The following TIAM2 variants were observed in gnomAD, a reference collection of about 807,000 sequenced individuals.
The protein encoded by TIAM2 is TIAM Rac1 associated GEF 2.
Under a neutral mutation model 152.9 loss-of-function variants are expected in TIAM2, and 80 were observed. The observed-to-expected ratio is 0.52, with a 90% CI of 0.44 to 0.63. The LOEUF is 0.63. Ranked by LOEUF, TIAM2 falls within the 30% of genes least tolerant of loss-of-function variation. TIAM2 has a pLI of 0.00. For synonymous variants in TIAM2, 804 were observed against 838.0 expected, an observed-to-expected ratio of 0.96 and a Z score of 0.70; for missense variants, 1,965 against 2,120.1, an observed-to-expected ratio of 0.93 and a Z score of 1.44.
intron 14 of TIAM2, among the ~76,000 whole-genome samples, chr6:155,203,535 C>T (rs1337850215): frequency 2.0e-5 from 3 of 152,234 alleles, no homozygotes; most frequent in Admixed American, 6.5e-5. Context: ...ATGTCAGAGA[C>T]GTGTAACTCT....
intron 16 of TIAM2, among the ~76,000 whole-genome samples, chr6:155,243,395 C>A (rs1783148275): frequency 6.6e-6 from 1 of 152,184 alleles, no homozygotes; most frequent in South Asian, 2.1e-4. Flanking sequence ...AGTGCCCCTG[C>A]TGCAGTGGCC....
intron 26 of TIAM2, 63 bp from the exon 27 acceptor site, chr6:155,256,421 C>T: frequency 6.2e-7 from 1 of 1,602,814 alleles, no homozygotes; most frequent in Non-Finnish European, 8.5e-7. Flanking sequence ...AGCTTTGAGG[C>T]AAACATTACA....
chr6:155,079,187 G>A (rs1392562421), intron 1 of TIAM2, among the ~76,000 whole-genome samples: 1 of 151,894 alleles, frequency 6.6e-6, no homozygotes, highest in Non-Finnish European at 1.5e-5. Context: ...TCAGCCTCCC[G>A]AGTAGCAGGG....
At position 155,174,126 on chromosome 6, in the gene TIAM2, C is replaced by G. The variant is rs978967723; in HGVS notation, c.2362-2690C>G. Among the ~76,000 whole-genome samples, 7 of 152,184 alleles carry G rather than the reference C, an allele frequency of 4.6e-5. No homozygotes were observed. The highest frequency in any genetic ancestry group is 3.3e-4 in the Admixed American group (5 of 15,288). On this transcript the variant is annotated intron_variant, in intron 9 of 26. Transcript: ENST00000682666. The surrounding 1 kb of genome is among the most constrained non-coding windows in gnomAD (Gnocchi z 4.2). ...TATATAAAGGGAGTTAACTGCCAGGCGGGCATTCTGTGTAGTATAGTGGTG... is the reference window on the plus strand; with the variant it reads ...TATATAAAGGGAGTTAACTGCCAGGGGGGCATTCTGTGTAGTATAGTGGTG...
chr6:155,079,532 T>G (rs898418029), intron 1 of TIAM2, among the ~76,000 whole-genome samples: 4 of 152,256 alleles, frequency 2.6e-5, no homozygotes, highest in African/African-American at 7.2e-5. Flanking sequence ...GGGACAAATG[T>G]TACTGTATGT....
chr6:155,165,199 T>C (rs1440336900), intron 8 of TIAM2, 64 bp from the exon 9 acceptor site: 7 of 1,516,200 alleles, frequency 4.6e-6, no homozygotes, highest in Non-Finnish European at 6.2e-6. Context: ...GCTCACTTCC[T>C]TCATTTTTTC....
At chr6:155,226,261 G>T (rs1163855015) in intron 15 of TIAM2, among the ~76,000 whole-genome samples, 1 of 152,214 alleles carries the variant, frequency 6.6e-6, no homozygotes, top group Admixed American at 6.5e-5. Context: ...GGCTGAAGGT[G>T]TCATAAGATA....
At chr6:155,253,108 T>C (rs1783771906) in intron 24 of TIAM2, 55 bp downstream of exon 24, 3 of 1,435,400 alleles carry the variant, frequency 2.1e-6, no homozygotes, top group South Asian at 1.2e-5. Context: ...GACTTAACTG[T>C]GGAATGTAAA....
intron 1 of TIAM2, among the ~76,000 whole-genome samples, chr6:155,031,583 G>A (rs757972945): frequency 2.0e-5 from 3 of 152,064 alleles, no homozygotes; most frequent in African/African-American, 4.8e-5. Flanking sequence ...AATTAGCTGG[G>A]TGTGGTGGCA....
At chr6:155,247,630 G>A (rs1008667328) in intron 19 of TIAM2, among the ~76,000 whole-genome samples, 13 of 152,224 alleles carry the variant, frequency 8.5e-5, no homozygotes, top group African/African-American at 3.1e-4. Context: ...ACCTGGCCAC[G>A]CTTCATGGCT....
At chr6:155,198,163 A>G (rs992764197) in intron 14 of TIAM2, among the ~76,000 whole-genome samples, 2 of 152,150 alleles carry the variant, frequency 1.3e-5, no homozygotes, top group African/African-American at 4.8e-5. Context: ...CTCTGAAGGC[A>G]TTTTGTCTGT....
chr6:155,080,161 C>G (rs1432636063), intron 1 of TIAM2, among the ~76,000 whole-genome samples: 1 of 151,986 alleles, frequency 6.6e-6, no homozygotes, highest in Non-Finnish European at 1.5e-5. Flanking sequence ...GTTATCCGCC[C>G]CGTGGCTGTC....
chr6:155,051,617 A>C (rs9322496), intron 1 of TIAM2, among the ~76,000 whole-genome samples: 127,510 of 151,942 alleles, frequency 0.84, 53,761 homozygotes, highest in African/African-American at 0.93. Context: ...TATTTTTGGC[A>C]TAAAATGCTC....
chr6:155,251,394 C>T (rs1197822426), intron 22 of TIAM2, among the ~76,000 whole-genome samples: 1 of 152,160 alleles, frequency 6.6e-6, no homozygotes, highest in African/African-American at 2.4e-5. Context: ...TCAAGCTATT[C>T]CCCTGCCTAA....
Position 155,188,985 on chromosome 6 carries a change from G to A in TIAM2, c.3064+5485G>A, listed in dbSNP as rs528943742. On this transcript the variant is annotated intron_variant, in intron 14 of 26. Transcript: ENST00000682666. ...CTGAGGTTCTTTTTTTAGCCTCCAC[G>A]CCCCCTTTGAATCATTCTTTTTTTA... Among the ~76,000 whole-genome samples, 5 of 152,212 alleles carry A rather than the reference G, an allele frequency of 3.3e-5. No homozygotes were observed. In the South Asian group the frequency reaches 6.2e-4, roughly 19 times the overall value.
chr6:155,252,570 A>G (rs1291144046), intron 23 of TIAM2, among the ~76,000 whole-genome samples: 2 of 152,262 alleles, frequency 1.3e-5, no homozygotes, highest in African/African-American at 4.8e-5. Flanking sequence ...TTTGTTCCAT[A>G]AACATAGTCT....
chr6:155,063,508 G>A (rs1225460960), intron 1 of TIAM2, among the ~76,000 whole-genome samples: 1 of 152,102 alleles, frequency 6.6e-6, no homozygotes, highest in Non-Finnish European at 1.5e-5. Flanking sequence ...AGTTGGCCAG[G>A]CATGGTGGCT....
chr6:155,031,008 G>C (rs1583160446), intron 1 of TIAM2, among the ~76,000 whole-genome samples: 1 of 152,200 alleles, frequency 6.6e-6, no homozygotes, highest in South Asian at 2.1e-4. Flanking sequence ...CTGTGAGGCT[G>C]TTTGCCCTCC....
Position 155,179,141 on chromosome 6 carries a change from C to G in TIAM2, c.2626C>G (p.Gln876Glu), listed in dbSNP as rs777392954. The G allele has an allele frequency of 6.2e-7, 1 of 1,610,794 alleles. No individual in the cohort carries two copies. The highest frequency in any genetic ancestry group is 1.7e-5 in the Admixed American group (1 of 59,832). ...TGCACCATATGAATATATGCAACAA[C>G]AGGTAAGTGTGCACTAGCTTTAGGA... ...IPAPYEYMQQ[Q>E]VYDEIEVFPL... Residue 876 changes from glutamine to glutamate, a missense_variant and splice_region_variant, in exon 11 of 27, where the codon CAG becomes GAG. Transcript: ENST00000682666.
Sources: gnomAD v4.1 joint callset for allele counts (sites outside exome capture counted in the v4.1 genomes callset) on GRCh38, gnomAD v4.1.1 for gene constraint, Gnocchi (gnomAD v3.1) non-coding constraint, MANE v1.5 for transcripts, NCBI Gene and HGNC (gene_info 2026-07-23, HGNC 2026-07-21) for gene names.